Variants in TRPM8 observed in about 807,000 individuals in gnomAD.
The protein encoded by TRPM8 is TRPM8 cationic channel.
TRPM8 carries 110 observed loss-of-function variants against 133.7 expected under a neutral mutation model. That is an observed-to-expected ratio of 0.82 (90% CI 0.70 to 0.96). The LOEUF is 0.96. TRPM8 is among the 40% of genes least tolerant of loss of function. TRPM8 has a pLI of 0.00. For synonymous variants in TRPM8, 535 were observed against 532.3 expected (o/e 1.01, Z -0.07); for missense variants, 1,291 against 1,379.5 (o/e 0.94, Z 1.02).
rs186471208 is a variant in TRPM8, at chr2:234,000,180, G to A, written c.3130+3664G>A. ...GGCTGGAGTGCAGTGGCATGATCTC[G>A]GCTCACTGCAACCTCCGCCTCCTGG... On this transcript the variant is annotated intron_variant, in intron 22 of 25. Coordinates refer to ENST00000324695, the MANE Select transcript of TRPM8 (RefSeq NM_024080.5). Among the ~76,000 whole-genome samples, 248 of 151,422 alleles carry A rather than the reference G, an allele frequency of 1.6e-3. 7 individuals are homozygous for A. The East Asian group carries it at 0.033, about 20-fold the overall frequency.
intron 5 of TRPM8, 126 bp from the exon 6 acceptor site, chr2:233,942,450 A>T (rs28901629): frequency 5.6e-6 from 5 of 893,460 alleles, no homozygotes; most frequent in Middle Eastern, 3.1e-4. Flanking sequence ...TTGCCATACG[A>T]CATAGCTGCC....
At position 233,967,304 on chromosome 2, in the gene TRPM8, G is replaced by A. The variant is rs149530022; in HGVS notation, c.2025+549G>A. Among the ~76,000 whole-genome samples, 623 of 152,334 alleles carry A rather than the reference G, an allele frequency of 4.1e-3. 6 individuals carry two copies. The highest frequency in any genetic ancestry group is 7.0e-3 in the Non-Finnish European group (479 of 68,038). ...CTTTCTGCACTGAAGTGAATGAATC[G>A]TAGTTTGCACCTGGTGTCTTAGGCT... On this transcript the variant is annotated intron_variant, in intron 15 of 25. Coordinates refer to ENST00000324695, the MANE Select transcript of TRPM8 (RefSeq NM_024080.5).
chr2:233,918,294 T>C (rs4663984), intron 1 of TRPM8, among the ~76,000 whole-genome samples: 38,611 of 149,446 alleles, frequency 0.26, 8,617 homozygotes, highest in African/African-American at 0.59. Flanking sequence ...TTATTATTTA[T>C]TAATAAGATA....
intron 17 of TRPM8, among the ~76,000 whole-genome samples, chr2:233,976,449 C>A (rs1691874459): frequency 6.6e-6 from 1 of 152,024 alleles, no homozygotes; most frequent in Non-Finnish European, 1.5e-5. Context: ...AGGGAGGACA[C>A]AGGGCAGGGA....
chr2:234,009,741 CT>C (rs1692788276), intron 24 of TRPM8, among the ~76,000 whole-genome samples: 1 of 152,156 alleles, frequency 6.6e-6, no homozygotes, highest in Non-Finnish European at 1.5e-5. Flanking sequence ...CTTCTTTTTA[CT>C]CACAGAGAAT....
chr2:233,947,535 T>C (rs994200548), intron 8 of TRPM8: 1 of 1,298,966 alleles, frequency 7.7e-7, no homozygotes, highest in Non-Finnish European at 1.0e-6. Flanking sequence ...CCAAACCAGA[T>C]GTTTCCAGAC....
chr2:233,936,367 C>T (rs771161830), intron 3 of TRPM8, among the ~76,000 whole-genome samples: 2 of 152,232 alleles, frequency 1.3e-5, no homozygotes, highest in Non-Finnish European at 2.9e-5. Flanking sequence ...TTTTTATCCT[C>T]TTCCAATTTC....
chr2:233,934,584 C>A (rs1691751743), intron 3 of TRPM8, among the ~76,000 whole-genome samples: 1 of 152,172 alleles, frequency 6.6e-6, no homozygotes, highest in Non-Finnish European at 1.5e-5. Context: ...GTATCTCCAG[C>A]AGCATCCCCA....
intron 7 of TRPM8, chr2:233,946,260 G>T: frequency 2.4e-6 from 1 of 422,390 alleles, no homozygotes; most frequent in African/African-American, 1.9e-5. Context: ...TGATAAATAC[G>T]GCCATCTTCC....
intron 3 of TRPM8, among the ~76,000 whole-genome samples, chr2:233,935,411 G>C (rs1691770926): frequency 3.3e-5 from 5 of 152,190 alleles, no homozygotes; most frequent in Admixed American, 3.3e-4. Flanking sequence ...TCTGCCAGAG[G>C]GGGATGCCTT....
At chr2:233,957,586 A>G (rs1371779035) in intron 11 of TRPM8, among the ~76,000 whole-genome samples, 2 of 152,230 alleles carry the variant, frequency 1.3e-5, no homozygotes, top group Non-Finnish European at 2.9e-5. Context: ...TAGAATATAG[A>G]ATATAGAATT....
Position 234,015,355 on chromosome 2 carries a change from A to AT in TRPM8, c.*42+701_*42+702insT, listed in dbSNP as rs1313159644. Among the ~76,000 whole-genome samples, 1,163 of 145,596 alleles carry AT rather than the reference A, an allele frequency of 8.0e-3. 8 individuals are homozygous for AT. The highest frequency in any genetic ancestry group is 1.0e-2 in the Non-Finnish European group (658 of 65,902). ...AGCAATGGGCATTCCACTGGATTAG[A>AT]ATTTTTTTTTTTTTTGAGAAAGCAA... On this transcript the variant is annotated intron_variant, in intron 25 of 25. Coordinates refer to ENST00000324695, the MANE Select transcript of TRPM8 (RefSeq NM_024080.5).
chr2:233,933,503 T>G (rs982807352), intron 3 of TRPM8, among the ~76,000 whole-genome samples: 10 of 152,194 alleles, frequency 6.6e-5, no homozygotes, highest in Non-Finnish European at 1.2e-4. Context: ...CTGTCTGTCA[T>G]CCTTATTCCT....
intron 22 of TRPM8, among the ~76,000 whole-genome samples, chr2:234,005,627 G>A (rs983547980): frequency 6.6e-6 from 1 of 152,006 alleles, no homozygotes; most frequent in African/African-American, 2.4e-5. Context: ...TGCTTAAATC[G>A]AGGCTGGGCA....
Position 234,014,502 on chromosome 2 carries a change from T to G in TRPM8, c.3265-60T>G, listed in dbSNP as rs1329841686. 8 of 1,099,834 alleles carry G rather than the reference T, an allele frequency of 7.3e-6. No individual in the cohort carries two copies. The East Asian group carries it at 2.2e-4, about 30-fold the overall frequency. 68.1% of individuals were successfully genotyped at this position (1,099,834 alleles called of 1,614,324 possible). A position where few individuals can be genotyped will look rare whatever the true frequency, so the allele number is the denominator to read the frequency against. On this transcript the variant is annotated intron_variant, in intron 24 of 25. Coordinates refer to ENST00000324695, the MANE Select transcript of TRPM8 (RefSeq NM_024080.5). ...CTTAGAAAAGGCACAGAGCGATAAT[T>G]TAAAAATGAAAGTTGGAAAATTTAT...
chr2:233,938,289 C>T (rs1690814023), intron 4 of TRPM8, among the ~76,000 whole-genome samples: 1 of 152,262 alleles, frequency 6.6e-6, no homozygotes, highest in African/African-American at 2.4e-5. Flanking sequence ...CCCAGGTTCT[C>T]CACCTCGCCT....
chr2:233,954,431 G>A (rs1006854418), intron 10 of TRPM8, among the ~76,000 whole-genome samples: 1 of 152,016 alleles, frequency 6.6e-6, no homozygotes, highest in Non-Finnish European at 1.5e-5. Context: ...TAATTTCAGG[G>A]GTTTACAAAT....
Position 233,927,948 on chromosome 2 carries a change from CTCTCTCTCTCTCTT to C in TRPM8, c.117+1298_117+1311del, listed in dbSNP as rs1261771786. Among the ~76,000 whole-genome samples the C allele has an allele frequency of 7.4e-4, 57 of 76,838 alleles. 12 individuals carry two copies. The South Asian group carries it at 0.012, about 16-fold the overall frequency. The allele number at this position is 76,838 out of a possible 152,430, so 50.4% of individuals were successfully genotyped here. A position where few individuals can be genotyped will look rare whatever the true frequency, so the allele number is the denominator to read the frequency against. On this transcript the variant is annotated intron_variant, in intron 2 of 25. Coordinates refer to ENST00000324695, the MANE Select transcript of TRPM8 (RefSeq NM_024080.5). ...TTTCTCTCTCTCTCTCTCTCTCTCT[CTCTCTCTCTCTCTT>C]TCTTTCTTTCTTTCTTTTTTTTTTT...
chr2:233,957,412 C>A (rs780745058), intron 11 of TRPM8, among the ~76,000 whole-genome samples: 3 of 151,818 alleles, frequency 2.0e-5, no homozygotes, highest in Non-Finnish European at 4.4e-5. Context: ...TGGCTTGAGC[C>A]CAGGAGGTGG....
Sources: allele counts gnomAD v4.1 joint callset (sites outside exome capture counted in the v4.1 genomes callset), GRCh38; gene constraint gnomAD v4.1.1; transcripts MANE v1.5; gene names NCBI Gene and HGNC (gene_info 2026-07-23, HGNC 2026-07-21).